Variants in SCOC observed in about 807,000 individuals in gnomAD.
The protein encoded by SCOC is short coiled coil protein.
Under a neutral mutation model 9.9 loss-of-function variants are expected in SCOC, and 7 were observed. The observed-to-expected ratio is 0.71, with a 90% CI of 0.40 to 1.33. The LOEUF (loss-of-function observed/expected upper bound fraction) is 1.33. Ranked by LOEUF, SCOC falls within the 40% of genes most tolerant of loss-of-function variation. SCOC has a pLI of 0.01. For missense variants in SCOC, 66 were observed against 89.7 expected (o/e 0.74, Z 1.07); for synonymous variants, 19 against 28.2 (o/e 0.67, Z 1.03).
intron 1 of SCOC, among the ~76,000 whole-genome samples, chr4:140,273,990 T>C (rs1317179907): frequency 6.6e-6 from 1 of 152,246 alleles, no homozygotes; most frequent in Non-Finnish European, 1.5e-5. Context: ...AAAAAAGGGA[T>C]AATTGCAGAC....
chr4:140,373,880 G>GCCTGGCTCCCGGCAGAAC (rs1400997029), intron 1 of SCOC, 163 bp downstream of exon 1: 25 of 789,440 alleles, frequency 3.2e-5, no homozygotes, highest in Non-Finnish European at 4.5e-5. Context: ...GGCGGCGGAG[G>GCCTGGCTCCCGGCAGAAC]CCTGGCTCCC....
At chr4:140,259,401 C>T (rs932997010) in intron 1 of SCOC, among the ~76,000 whole-genome samples, 2 of 152,172 alleles carry the variant, frequency 1.3e-5, no homozygotes, top group African/African-American at 4.8e-5. Flanking sequence ...CATTGTCTAC[C>T]TACTGCACAT....
intron 1 of SCOC, among the ~76,000 whole-genome samples, chr4:140,267,694 C>T (rs1730759098): frequency 3.3e-5 from 5 of 152,054 alleles, no homozygotes. Flanking sequence ...GTGGAGACTC[C>T]GCGAGGCACC....
chr4:140,362,283 T>TCTTC (rs1727558245), intron 2 of SCOC, among the ~76,000 whole-genome samples: 1 of 17,376 alleles, frequency 5.8e-5, no homozygotes. Flanking sequence ...CCTTACTTCT[T>TCTTC]CTTCTTCTTC....
At chr4:140,374,034 GCT>G in intron 1 of SCOC, 1 of 541,828 alleles carries the variant, frequency 1.8e-6, no homozygotes, top group Non-Finnish European at 3.5e-6. Context: ...CCGCTTTGCA[GCT>G]CTCGGCTCTG....
At chr4:140,320,175 C>G (rs901193781) in intron 1 of SCOC, among the ~76,000 whole-genome samples, 1 of 152,150 alleles carries the variant, frequency 6.6e-6, no homozygotes, top group Non-Finnish European at 1.5e-5. Context: ...TAAAACCCAC[C>G]AAAACCAAGA....
chr4:140,329,851 A>T (rs1037886167), intron 1 of SCOC, among the ~76,000 whole-genome samples: 13 of 152,172 alleles, frequency 8.5e-5, no homozygotes, highest in African/African-American at 3.1e-4. Context: ...ACTGCTGGGA[A>T]CTGGGAATGT....
chr4:140,362,301 T>TCTTCTTCTTGTTCTTCTTC, intron 2 of SCOC, among the ~76,000 whole-genome samples: 3 of 29,404 alleles, frequency 1.0e-4, no homozygotes, highest in African/African-American at 3.5e-4. Flanking sequence ...TTCTTCTTCT[T>TCTTCTTCTTGTTCTTCTTC]TTTTTTTTTT....
At chr4:140,285,415 T>C in intron 1 of SCOC, 1 of 390,456 alleles carries the variant, frequency 2.6e-6, no homozygotes, top group South Asian at 1.9e-5. Context: ...TGATGTGGGG[T>C]GTGGTTTACT....
chr4:140,297,517 A>T (rs1440635967), intron 1 of SCOC, among the ~76,000 whole-genome samples: 2 of 152,134 alleles, frequency 1.3e-5, no homozygotes. Context: ...CCTTTGATTC[A>T]TTCATTCTCT....
At chr4:140,374,605 A>G (rs1728251470) in intron 1 of SCOC, among the ~76,000 whole-genome samples, 1 of 152,178 alleles carries the variant, frequency 6.6e-6, no homozygotes, top group South Asian at 2.1e-4. Context: ...ATCTGAACAG[A>G]CATTATATTG....
At chr4:140,293,931 G>A (rs1367341679) in intron 1 of SCOC, among the ~76,000 whole-genome samples, 8 of 152,212 alleles carry the variant, frequency 5.3e-5, no homozygotes, top group Admixed American at 5.2e-4. Context: ...AGCTTAGGGT[G>A]AGGGTTCCCA....
rs367795160 is a variant in SCOC at position 140,362,299 on chromosome 4, C to CTTCTTCTTCTTCT, written c.71-16820_71-16819insCTTCTTCTTCTTT. Among the ~76,000 whole-genome samples the CTTCTTCTTCTTCT allele has an allele frequency of 5.2e-4, 20 of 38,374 alleles. 1 individual carries two copies. Among genetic ancestry groups the CTTCTTCTTCTTCT allele is most frequent in the African/African-American group, 1.3e-3 (18 of 13,384 alleles). 25.2% of individuals were successfully genotyped at this position (38,374 alleles called of 152,430 possible). ...CTTACTTCTTCTTCTTCTTCTTCTTCTTTTTTTTTTTTTTTTGTGAGAGTC... is the reference window on the plus strand; with the variant it reads ...CTTACTTCTTCTTCTTCTTCTTCTTCTTCTTCTTCTTCTTTTTTTTTTTTTTTTTGTGAGAGTC... On this transcript the variant is annotated intron_variant, in intron 2 of 4. Coordinates refer to the SCOC transcript ENST00000338517.
At chr4:140,359,957 G>C (rs1451034463) in intron 2 of SCOC, among the ~76,000 whole-genome samples, 1 of 152,116 alleles carries the variant, frequency 6.6e-6, no homozygotes, top group African/African-American at 2.4e-5. Context: ...CAGTGTGCTA[G>C]AGTCAGAAGA....
chr4:140,366,683 A>C, intron 2 of SCOC: 1 of 1,596,770 alleles, frequency 6.3e-7, no homozygotes, highest in Non-Finnish European at 8.6e-7. Flanking sequence ...TTGAGGTTGA[A>C]ATCAGTGAGC....
At chr4:140,335,360 G>C (rs955660589) in intron 1 of SCOC, among the ~76,000 whole-genome samples, 1 of 152,184 alleles carries the variant, frequency 6.6e-6, no homozygotes, top group Admixed American at 6.5e-5. Flanking sequence ...TGAGATGATA[G>C]AGGTAAAACA....
chr4:140,342,677 T>C (rs115334023), upstream of SCOC, among the ~76,000 whole-genome samples: 3,861 of 152,278 alleles, frequency 0.025, 70 homozygotes, highest in South Asian at 0.078. Context: ...AAATGCTTCA[T>C]CAAATTTGGC....
chr4:140,270,727 T>TA (rs917382085), intron 1 of SCOC, among the ~76,000 whole-genome samples: 30 of 152,278 alleles, frequency 2.0e-4, no homozygotes, highest in African/African-American at 6.7e-4. Context: ...TTGGTTTGCA[T>TA]AGAAAGGCAC....
intron 1 of SCOC, among the ~76,000 whole-genome samples, chr4:140,281,076 G>C (rs565608282): frequency 6.6e-6 from 1 of 152,114 alleles, no homozygotes; most frequent in African/African-American, 2.4e-5. Context: ...CGTGGTCTGG[G>C]CATCCCATCT....
Sources: allele counts gnomAD v4.1 joint callset (sites outside exome capture counted in the v4.1 genomes callset), GRCh38; gene constraint gnomAD v4.1.1; transcripts MANE v1.5; gene names NCBI Gene and HGNC (gene_info 2026-07-23, HGNC 2026-07-21).